The following KDM2A variants were observed in gnomAD, a reference collection of about 807,000 sequenced individuals.
The protein encoded by KDM2A is lysine-specific demethylase 2A.
In KDM2A, 3 loss-of-function variants were observed where a neutral mutation model predicts 137.3. That is an observed-to-expected ratio of 0.02 (90% CI 0.01 to 0.06). KDM2A has a LOEUF of 0.06. Ranked by LOEUF, KDM2A falls within the 10% of genes least tolerant of loss-of-function variation. The pLI is 1.00. For missense variants in KDM2A, 738 were observed against 1,510.6 expected, an observed-to-expected ratio of 0.49 and a Z score of 8.48; for synonymous variants, 512 against 541.5, an observed-to-expected ratio of 0.95 and a Z score of 0.76.
chr11:67,142,973 A>G (rs914531259), intron 2 of KDM2A, among the ~76,000 whole-genome samples: 24 of 150,586 alleles, frequency 1.6e-4, no homozygotes, highest in African/African-American at 5.6e-4. Flanking sequence ...AATCCCAGAT[A>G]GTATTACTTC....
intron 12 of KDM2A, among the ~76,000 whole-genome samples, chr11:67,232,377 T>C (rs1013142808): frequency 1.3e-5 from 2 of 152,226 alleles, no homozygotes; most frequent in Non-Finnish European, 2.9e-5. Flanking sequence ...TAACGTTGAG[T>C]AGCTTTAGCC....
At chr11:67,240,605 T>C (rs1017664651) in intron 12 of KDM2A, among the ~76,000 whole-genome samples, 6 of 152,198 alleles carry the variant, frequency 3.9e-5, no homozygotes, top group Non-Finnish European at 7.4e-5. Context: ...GCACCTTCTG[T>C]TCTCTTTCCC....
intron 5 of KDM2A, among the ~76,000 whole-genome samples, chr11:67,206,718 CAG>C (rs1266325233): frequency 2.6e-5 from 4 of 152,244 alleles, no homozygotes; most frequent in Non-Finnish European, 5.9e-5. Flanking sequence ...GCCTGAGCGA[CAG>C]AGCGAGACTC....
At chr11:67,179,287 T>C (rs929090636) in intron 2 of KDM2A, among the ~76,000 whole-genome samples, 1 of 152,198 alleles carries the variant, frequency 6.6e-6, no homozygotes, top group Admixed American at 6.5e-5. Context: ...TGTTTTGTTT[T>C]TTTGAGACGA....
At chr11:67,213,600 A>C (rs1258323688) in intron 6 of KDM2A, among the ~76,000 whole-genome samples, 2 of 152,014 alleles carry the variant, frequency 1.3e-5, no homozygotes, top group African/African-American at 4.8e-5. Context: ...TCTACTAAAA[A>C]ATACAAAAAT....
intron 5 of KDM2A, among the ~76,000 whole-genome samples, chr11:67,201,295 CAAAT>C (rs2136369286): frequency 6.6e-6 from 1 of 150,936 alleles, no homozygotes; most frequent in Admixed American, 6.6e-5. Context: ...AAATCTGGAC[CAAAT>C]AAATTGAAAA....
chr11:67,142,574 T>TTGGGGG (rs1856133851), intron 2 of KDM2A, among the ~76,000 whole-genome samples: 2 of 54,964 alleles, frequency 3.6e-5, no homozygotes, highest in African/African-American at 7.0e-5. Flanking sequence ...GGGGTTGGGG[T>TTGGGGG]TGGGGTTGGG....
intron 12 of KDM2A, among the ~76,000 whole-genome samples, chr11:67,240,613 C>A (rs1473497605): frequency 1.3e-5 from 2 of 152,206 alleles, no homozygotes; most frequent in Non-Finnish European, 2.9e-5. Context: ...TGTTCTCTTT[C>A]CCTTCCTGTG....
intron 2 of KDM2A, among the ~76,000 whole-genome samples, chr11:67,122,388 G>A (rs1165577729): frequency 6.6e-6 from 1 of 152,100 alleles, no homozygotes; most frequent in Non-Finnish European, 1.5e-5. Flanking sequence ...GTGCAGTGGC[G>A]TGATCTGAGC....
intron 10 of KDM2A, among the ~76,000 whole-genome samples, chr11:67,226,792 A>G (rs4344498): frequency 0.96 from 146,221 of 152,250 alleles, 70,312 homozygotes; most frequent in Non-Finnish European, 0.99. Context: ...TTAAATGAGC[A>G]CTGGCCGCGA....
intron 10 of KDM2A, among the ~76,000 whole-genome samples, chr11:67,221,957 G>A (rs1858366246): frequency 2.0e-5 from 3 of 147,456 alleles, no homozygotes. Flanking sequence ...AAAAAAAGAT[G>A]TCTATTCTAA....
intron 2 of KDM2A, among the ~76,000 whole-genome samples, chr11:67,161,143 C>T (rs370944991): frequency 3.3e-5 from 5 of 152,152 alleles, no homozygotes; most frequent in African/African-American, 9.7e-5. Context: ...GGGAGGATTG[C>T]TTGAGGCTAG....
At chr11:67,222,875 C>T (rs372163100) in intron 10 of KDM2A, among the ~76,000 whole-genome samples, 37 of 147,206 alleles carry the variant, frequency 2.5e-4, no homozygotes, top group African/African-American at 8.0e-4. Context: ...GAGTTTTCTA[C>T]GTAAAGAGAA....
intron 5 of KDM2A, among the ~76,000 whole-genome samples, chr11:67,195,242 GCCTATAGTC>G (rs1857448243): frequency 6.6e-6 from 1 of 151,928 alleles, no homozygotes; most frequent in Non-Finnish European, 1.5e-5. Flanking sequence ...GGTGGCGCAT[GCCTATAGTC>G]CCAGCTACCC....
chr11:67,226,215 C>T (rs1040142130), intron 10 of KDM2A, among the ~76,000 whole-genome samples: 1 of 151,894 alleles, frequency 6.6e-6, no homozygotes, highest in Non-Finnish European at 1.5e-5. Context: ...CGAGATCCCA[C>T]CACTGCACAC....
At chr11:67,223,324 T>C (rs570616093) in intron 10 of KDM2A, among the ~76,000 whole-genome samples, 4 of 152,282 alleles carry the variant, frequency 2.6e-5, no homozygotes, top group South Asian at 2.1e-4. Flanking sequence ...TACAGTCTTA[T>C]AAGTTACGAG....
intron 2 of KDM2A, among the ~76,000 whole-genome samples, chr11:67,148,122 T>G (rs1203825278): frequency 6.6e-6 from 1 of 152,126 alleles, no homozygotes; most frequent in African/African-American, 2.4e-5. Flanking sequence ...TTTGCATTCC[T>G]TTAAGAAAAC....
rs771146505 is a variant in KDM2A, at chr11:67,231,531, A to G, written c.1085-35A>G. ...TCTTGCTGATCACATGGCAGAGTGA[A>G]ATGTTCTTACTGCATTTTTTCTTCA... On this transcript the variant is annotated intron_variant, in intron 11 of 20. Transcript: ENST00000529006. 5 of 1,529,642 alleles carry G rather than the reference A, an allele frequency of 3.3e-6. No individual in the cohort carries two copies. In the African/African-American group the frequency reaches 6.9e-5, roughly 21 times the overall value. The allele number at this position is 1,529,642 out of a possible 1,614,324, so 94.8% of individuals were successfully genotyped here. A position where few individuals can be genotyped will look rare whatever the true frequency, so the allele number is the denominator to read the frequency against.
chr11:67,250,529 C>T lies in KDM2A; in HGVS notation c.2499C>T (p.Pro833=), dbSNP rs755067842. ...CCTCTGCCAACCTTCGCCATTCCCC[C>T]CGTGTGCTAGTGCAGCACTGCCCAG... The part of the protein sequence containing the change: ...TASSANLRHS[P]RVLVQHCPAR... Residue 833 remains proline (P), a synonymous_variant, in exon 17 of 21, where the codon CCC becomes CCT. Coordinates refer to ENST00000529006, the MANE Select transcript of KDM2A (RefSeq NM_012308.3). The surrounding 1 kb of genome is among the most constrained non-coding windows in gnomAD (Gnocchi z 7.1). 6.2e-7 allele frequency: 1 copy of T among 1,614,012 alleles called. No individual in the cohort carries two copies. Among genetic ancestry groups the T allele is most frequent in the East Asian group, 2.2e-5 (1 of 44,884 alleles).
Sources: gnomAD v4.1 joint callset for allele counts (sites outside exome capture counted in the v4.1 genomes callset) on GRCh38, gnomAD v4.1.1 for gene constraint, Gnocchi (gnomAD v3.1) non-coding constraint, MANE v1.5 for transcripts, NCBI Gene and HGNC (gene_info 2026-07-23, HGNC 2026-07-21) for gene names.